The following STK32C variants were observed in gnomAD, a reference collection of about 807,000 sequenced individuals.
STK32C encodes serine/threonine kinase 32C, also known as serine/threonine-protein kinase 32C.
A neutral mutation model predicts 56.5 loss-of-function variants in STK32C; 31 were observed. The ratio of observed to expected loss-of-function variants is 0.55; its 90% CI spans 0.41 to 0.74. STK32C has a LOEUF of 0.74. STK32C is among the 30% of genes least tolerant of loss of function. STK32C has a pLI of 0.00. For synonymous variants in STK32C, 309 were observed against 289.4 expected, an observed-to-expected ratio of 1.07 and a Z score of -0.69; for missense variants, 544 against 676.9, an observed-to-expected ratio of 0.80 and a Z score of 2.18.
intron 1 of STK32C, among the ~76,000 whole-genome samples, chr10:132,270,283 T>TCCTGAATTATCCAGGTGGGCCC (rs2064772769): frequency 6.6e-6 from 1 of 152,252 alleles, no homozygotes; most frequent in South Asian, 2.1e-4. Context: ...AGGGTGGGAC[T>TCCTGAATTATCCAGGTGGGCCC]CCTGAATTAT....
upstream of STK32C, chr10:132,332,062 C>G (rs377562985): frequency 2.1e-4 from 63 of 295,662 alleles, no homozygotes; most frequent in East Asian, 2.5e-3. Flanking sequence ...CCCCACAACA[C>G]GCACACCCCC....
chr10:132,271,292 G>C (rs1461444495), intron 1 of STK32C, among the ~76,000 whole-genome samples: 1 of 151,962 alleles, frequency 6.6e-6, no homozygotes, highest in South Asian at 2.1e-4. Flanking sequence ...AAAGCAGGCA[G>C]CCCTACAGCA....
At chr10:132,319,167 T>G (rs1443129668), downstream of STK32C, among the ~76,000 whole-genome samples, 1 of 152,218 alleles carries the variant, frequency 6.6e-6, no homozygotes, top group Non-Finnish European at 1.5e-5. Context: ...CAGGCTGGTC[T>G]CGAAATCCTG....
At position 132,207,610 on chromosome 10, in the gene STK32C, A is replaced by C; in HGVS notation, c.*400T>G. ...ACCCCAACCCATGCCCTTGACCTCC[A>C]AGACCTGAGCCGAGCCTGGGGCACC... On this transcript the variant is annotated 3_prime_UTR_variant, in exon 12 of 12. Transcript: ENST00000298630. 2 of 179,796 alleles carry C rather than the reference A, an allele frequency of 1.1e-5. No individual in the cohort carries two copies. Among genetic ancestry groups the C allele is most frequent in the Non-Finnish European group, 2.3e-5 (2 of 86,946 alleles). 11.1% of individuals were successfully genotyped at this position (179,796 alleles called of 1,614,324 possible).
intron 1 of STK32C, among the ~76,000 whole-genome samples, chr10:132,302,600 C>T (rs923107355): frequency 2.0e-5 from 3 of 152,234 alleles, no homozygotes; most frequent in African/African-American, 7.2e-5. Flanking sequence ...GACCACCAAG[C>T]GCCTGCACTG....
chr10:132,212,932 C>G (rs1225330089), intron 10 of STK32C, among the ~76,000 whole-genome samples: 1 of 152,260 alleles, frequency 6.6e-6, no homozygotes, highest in Non-Finnish European at 1.5e-5. Flanking sequence ...TGGAGCAGAA[C>G]TGATGGTGTG....
intron 1 of STK32C, among the ~76,000 whole-genome samples, chr10:132,276,149 T>A (rs34396757): frequency 0.21 from 31,986 of 152,054 alleles, 4,150 homozygotes; most frequent in Non-Finnish European, 0.31. Context: ...GTCAGCAATT[T>A]TCGAGTCCAC....
At chr10:132,317,473 G>C (rs548856547) in intron 1 of STK32C, among the ~76,000 whole-genome samples, 3 of 152,186 alleles carry the variant, frequency 2.0e-5, no homozygotes, top group Non-Finnish European at 2.9e-5. Context: ...CATCTTTCTG[G>C]TGTAGGACTT....
Position 132,223,037 on chromosome 10 carries a change from G to A in STK32C, c.994-51C>T, listed in dbSNP as rs534999076. 118 of 1,522,906 alleles carry A rather than the reference G, an allele frequency of 7.7e-5. No homozygotes were observed. In the South Asian group the frequency reaches 9.3e-4, roughly 12 times the overall value. The allele number at this position is 1,522,906 out of a possible 1,614,324, so 94.3% of individuals were successfully genotyped here. ...TCCAGGGCCCACAGCCCACCAGCAC[G>A]GAATAGCCCGCCACCCCCAGGCCAG... On this transcript the variant is annotated intron_variant, in intron 8 of 11. Coordinates refer to ENST00000298630, the MANE Select transcript of STK32C (RefSeq NM_173575.4).
intron 1 of STK32C, among the ~76,000 whole-genome samples, chr10:132,284,045 C>T (rs1590388996): frequency 6.6e-6 from 1 of 152,176 alleles, no homozygotes; most frequent in African/African-American, 2.4e-5. Context: ...CCAGGACTTG[C>T]TGCTGAGGCT....
At chr10:132,216,487 G>GA (rs978847959) in intron 10 of STK32C, among the ~76,000 whole-genome samples, 5 of 149,878 alleles carry the variant, frequency 3.3e-5, no homozygotes, top group South Asian at 2.1e-4. Flanking sequence ...AAAAAAGAGA[G>GA]AAAAAAAAGA....
At chr10:132,216,248 T>C (rs551925006) in intron 10 of STK32C, among the ~76,000 whole-genome samples, 24 of 152,282 alleles carry the variant, frequency 1.6e-4, no homozygotes, top group African/African-American at 5.3e-4. Context: ...GCAGATCACC[T>C]GAGGTCAGGA....
At chr10:132,220,759 G>A (rs1399904489) in intron 10 of STK32C, among the ~76,000 whole-genome samples, 1 of 152,212 alleles carries the variant, frequency 6.6e-6, no homozygotes, top group Admixed American at 6.5e-5. Flanking sequence ...ACACTCTGGG[G>A]AGACCCAGAA....
chr10:132,222,106 C>G (rs1315520921), intron 10 of STK32C, among the ~76,000 whole-genome samples: 1 of 144,000 alleles, frequency 6.9e-6, no homozygotes, highest in Non-Finnish European at 1.5e-5. Context: ...ATGGCCGTCC[C>G]CACACACACA....
chr10:132,246,557 AG>A (rs2063701054), intron 1 of STK32C, among the ~76,000 whole-genome samples: 1 of 152,166 alleles, frequency 6.6e-6, no homozygotes, highest in Non-Finnish European at 1.5e-5. Flanking sequence ...GCCTGCGCCC[AG>A]CATGAGAGCC....
At chr10:132,267,137 C>T (rs1204054984) in intron 1 of STK32C, among the ~76,000 whole-genome samples, 1 of 152,158 alleles carries the variant, frequency 6.6e-6, no homozygotes, top group African/African-American at 2.4e-5. Flanking sequence ...TTTCTCTGAC[C>T]TGTGACACGT....
chr10:132,326,046 A>C (rs1202559044), intron 1 of STK32C, among the ~76,000 whole-genome samples: 3 of 151,978 alleles, frequency 2.0e-5, no homozygotes, highest in African/African-American at 7.2e-5. Flanking sequence ...CAGCGTGAAA[A>C]TGGACTAACA....
intron 2 of STK32C, among the ~76,000 whole-genome samples, chr10:132,241,386 G>A (rs1163892784): frequency 1.3e-5 from 2 of 152,178 alleles, no homozygotes; most frequent in Non-Finnish European, 1.5e-5. Context: ...TGTTAGTCAC[G>A]GCAGCAAAAA....
chr10:132,256,948 A>G (rs1288974908), intron 1 of STK32C, among the ~76,000 whole-genome samples: 2 of 152,140 alleles, frequency 1.3e-5, no homozygotes, highest in Admixed American at 1.3e-4. Context: ...CGCTGGCCAC[A>G]GCAGCAGCAG....
Sources: gnomAD v4.1 joint callset for allele counts (sites outside exome capture counted in the v4.1 genomes callset) on GRCh38, gnomAD v4.1.1 for gene constraint, MANE v1.5 for transcripts, NCBI Gene and HGNC (gene_info 2026-07-23, HGNC 2026-07-21) for gene names.